ADAMTSL3: variants seen among roughly 807,000 people sequenced by gnomAD.
ADAMTSL3 encodes the protein ADAMTS like 3.
In ADAMTSL3, 128 loss-of-function variants were observed where a neutral mutation model predicts 201.7. The ratio of observed to expected loss-of-function variants is 0.63; its 90% CI spans 0.55 to 0.73. The LOEUF (loss-of-function observed/expected upper bound fraction) is 0.73, where lower values mean the gene tolerates loss of function less well. Ranked by LOEUF, ADAMTSL3 falls within the 30% of genes least tolerant of loss-of-function variation. The pLI, the probability that ADAMTSL3 is intolerant of heterozygous loss-of-function variation, is 0.00. For missense variants in ADAMTSL3, 1,990 were observed against 2,119.6 expected (o/e 0.94, Z 1.20); for synonymous variants, 738 against 748.4 (o/e 0.99, Z 0.23).
At chr15:84,001,429 T>C (rs986721740) in intron 23 of ADAMTSL3, among the ~76,000 whole-genome samples, 2 of 152,144 alleles carry the variant, frequency 1.3e-5, no homozygotes, top group Non-Finnish European at 2.9e-5. Context: ...ACAAAGTGGA[T>C]ATTATATTTG....
chr15:83,968,764 G>C (rs768183307), intron 19 of ADAMTSL3, among the ~76,000 whole-genome samples: 1 of 152,168 alleles, frequency 6.6e-6, no homozygotes, highest in Non-Finnish European at 1.5e-5. Flanking sequence ...CAACCCAAAT[G>C]CCCATCAATA....
intron 21 of ADAMTSL3, 138 bp downstream of exon 21, chr15:83,983,482 G>A (rs963668388): frequency 1.5e-6 from 1 of 666,260 alleles, no homozygotes; most frequent in Non-Finnish European, 2.4e-6. Flanking sequence ...ACTAAAAAAT[G>A]TTAAGATGTG....
At position 83,939,911 on chromosome 15, in the gene ADAMTSL3, C is replaced by T. The variant is rs962496481; in HGVS notation, c.2118-2685C>T. The stretch of plus-strand genomic sequence containing the variant: ...TGATGGGATTACAGGCATGAGCCAC[C>T]GCACCCCGCCAGGACCAACTTTTTG... On this transcript the variant is annotated intron_variant, in intron 17 of 29. Transcript: ENST00000286744. Among the ~76,000 whole-genome samples, 4 of 152,052 alleles carry T rather than the reference C, an allele frequency of 2.6e-5. No homozygotes were observed. The South Asian group carries it at 6.2e-4, about 24-fold the overall frequency.
chr15:83,817,187 A>C (rs1468047554), intron 5 of ADAMTSL3, among the ~76,000 whole-genome samples: 3 of 152,250 alleles, frequency 2.0e-5, no homozygotes, highest in Non-Finnish European at 4.4e-5. Flanking sequence ...ATCTACTTCC[A>C]AAAAGGATTT....
At chr15:83,677,225 C>T (rs1056795354) in intron 2 of ADAMTSL3, among the ~76,000 whole-genome samples, 1 of 151,386 alleles carries the variant, frequency 6.6e-6, no homozygotes, top group African/African-American at 2.4e-5. Flanking sequence ...TCCATGGGCA[C>T]TCTTGAAAAA....
At chr15:83,700,625 A>G (rs1596051479) in intron 2 of ADAMTSL3, among the ~76,000 whole-genome samples, 1 of 152,210 alleles carries the variant, frequency 6.6e-6, no homozygotes, top group East Asian at 1.9e-4. Context: ...TTATCCAGGC[A>G]TGGTGGTGGG....
At chr15:83,809,601 G>A (rs1004026813) in intron 5 of ADAMTSL3, among the ~76,000 whole-genome samples, 15 of 152,248 alleles carry the variant, frequency 9.9e-5, no homozygotes, top group African/African-American at 3.6e-4. Flanking sequence ...TTCCAGACTC[G>A]TTACTGTCTT....
chr15:83,845,511 T>G (rs907036696), intron 7 of ADAMTSL3, among the ~76,000 whole-genome samples: 1 of 152,218 alleles, frequency 6.6e-6, no homozygotes, highest in African/African-American at 2.4e-5. Flanking sequence ...ACAATCTATC[T>G]TCTTAGGCAA....
chr15:83,897,441 A>G (rs976408808), intron 13 of ADAMTSL3, among the ~76,000 whole-genome samples: 5 of 152,320 alleles, frequency 3.3e-5, no homozygotes, highest in East Asian at 3.9e-4. Context: ...ATCCTCTGGC[A>G]TAATTCATTA....
intron 19 of ADAMTSL3, among the ~76,000 whole-genome samples, chr15:83,956,140 T>C (rs752828098): frequency 6.6e-6 from 1 of 152,140 alleles, no homozygotes; most frequent in Non-Finnish European, 1.5e-5. Context: ...CCAAATGCTG[T>C]CTCTGTGGGT....
chr15:83,831,787 G>A (rs1439908669), intron 6 of ADAMTSL3, among the ~76,000 whole-genome samples: 1 of 152,194 alleles, frequency 6.6e-6, no homozygotes, highest in Non-Finnish European at 1.5e-5. Flanking sequence ...CTAAGCATTT[G>A]TGGGAGCCCA....
chr15:83,885,274 CAT>C (rs2065364376), intron 10 of ADAMTSL3, 62 bp downstream of exon 10: 1 of 1,293,820 alleles, frequency 7.7e-7, no homozygotes, highest in African/African-American at 1.5e-5. Flanking sequence ...TAGACATTTA[CAT>C]TTTTGAAGCT....
chr15:83,940,033 G>A (rs1370697414), intron 17 of ADAMTSL3, among the ~76,000 whole-genome samples: 3 of 151,790 alleles, frequency 2.0e-5, no homozygotes, highest in African/African-American at 7.3e-5. Context: ...TTAACCTCTT[G>A]AAATGGTTAC....
chr15:83,674,472 C>T (rs1339672244), intron 2 of ADAMTSL3, among the ~76,000 whole-genome samples: 1 of 151,666 alleles, frequency 6.6e-6, no homozygotes, highest in Non-Finnish European at 1.5e-5. Context: ...TTCCATTGAT[C>T]TATGTATCTA....
intron 2 of ADAMTSL3, among the ~76,000 whole-genome samples, chr15:83,678,708 A>C (rs1211097097): frequency 6.9e-6 from 1 of 144,882 alleles, no homozygotes; most frequent in Non-Finnish European, 1.5e-5. Flanking sequence ...TATTTCTTCA[A>C]GTGTTATTTT....
At chr15:83,725,610 C>T (rs1305858590) in intron 3 of ADAMTSL3, among the ~76,000 whole-genome samples, 1 of 152,170 alleles carries the variant, frequency 6.6e-6, no homozygotes, top group Non-Finnish European at 1.5e-5. Flanking sequence ...TATTCTTCTG[C>T]ATATGGACAT....
intron 28 of ADAMTSL3, among the ~76,000 whole-genome samples, chr15:84,031,699 T>C (rs960481812): frequency 3.3e-5 from 5 of 152,186 alleles, no homozygotes; most frequent in Admixed American, 2.6e-4. Context: ...AGGATATCAT[T>C]GAGAAAACGG....
chr15:84,019,065 CCACACACACATACACACACA>C (rs1372067906), intron 25 of ADAMTSL3, among the ~76,000 whole-genome samples: 4 of 53,618 alleles, frequency 7.5e-5, no homozygotes, highest in Admixed American at 2.1e-4. Context: ...ATATCCCCCA[CCACACACACATACACACACA>C]CACACACACA....
chr15:83,830,433 A>C (rs748589957), intron 6 of ADAMTSL3, among the ~76,000 whole-genome samples: 7 of 152,178 alleles, frequency 4.6e-5, no homozygotes, highest in Non-Finnish European at 8.8e-5. Context: ...GAGACCATGA[A>C]AAACGGAAGA....
Sources: allele counts gnomAD v4.1 joint callset (sites outside exome capture counted in the v4.1 genomes callset), GRCh38; gene constraint gnomAD v4.1.1; transcripts MANE v1.5; gene names NCBI Gene and HGNC (gene_info 2026-07-23, HGNC 2026-07-21).